IGDCC4: variants seen among roughly 807,000 people sequenced by gnomAD.
IGDCC4 encodes likely ortholog of mouse neighbor of Punc E11.
A neutral mutation model predicts 116.6 loss-of-function variants in IGDCC4; 72 were observed. The observed-to-expected ratio is 0.62, with a 90% CI of 0.51 to 0.75. The LOEUF (loss-of-function observed/expected upper bound fraction) is 0.75, where lower values mean the gene tolerates loss of function less well. Among genes scored for constraint, IGDCC4 ranks in the 30% least tolerant of loss-of-function variants. The pLI is 0.00. For synonymous variants in IGDCC4, 709 were observed against 719.9 expected, an observed-to-expected ratio of 0.98 and a Z score of 0.24; for missense variants, 1,501 against 1,662.4, an observed-to-expected ratio of 0.90 and a Z score of 1.69.
At chr15:65,398,024 A>G (rs1326866828) in intron 5 of IGDCC4, among the ~76,000 whole-genome samples, 1 of 152,264 alleles carries the variant, frequency 6.6e-6, no homozygotes, top group African/African-American at 2.4e-5. Flanking sequence ...AGAAATGCTT[A>G]TGGTATACTG....
intron 1 of IGDCC4, among the ~76,000 whole-genome samples, chr15:65,420,890 C>G (rs146215679): frequency 8.9e-4 from 136 of 152,300 alleles, no homozygotes; most frequent in African/African-American, 3.0e-3. Context: ...GGGGACTTGT[C>G]AGTTTCCCCC....
intron 4 of IGDCC4, among the ~76,000 whole-genome samples, chr15:65,402,112 C>T (rs1018380257): frequency 1.2e-4 from 18 of 152,206 alleles, no homozygotes; most frequent in African/African-American, 4.1e-4. Context: ...CACACAGGCT[C>T]TGCATGAAGA....
chr15:65,403,738 G>C (rs1365184534), intron 3 of IGDCC4, among the ~76,000 whole-genome samples: 1 of 152,164 alleles, frequency 6.6e-6, no homozygotes, highest in Non-Finnish European at 1.5e-5. Flanking sequence ...AGCAGACCCA[G>C]CCAACACGTA....
At chr15:65,394,342 C>A in intron 9 of IGDCC4, 69 bp downstream of exon 9, 1 of 1,601,824 alleles carries the variant, frequency 6.2e-7, no homozygotes, top group Non-Finnish European at 8.5e-7. Flanking sequence ...CTCAGGTCTC[C>A]AGCAGCCCTG....
Position 65,395,810 on chromosome 15 carries a change from G to A in IGDCC4, c.1351C>T (p.Arg451Trp). ...SSSAVLVAWERPEMHSEQIIG... is the reference protein window; with the variant it reads ...SSSAVLVAWEWPEMHSEQIIG... ...ATCTGCTCGCTGTGCATCTCGGGCC[G>A]CTCCCAGGCCACCAACACAGCGGAG... Residue 451 changes from arginine (R) to tryptophan (W), a missense_variant, in exon 7 of 20, where the codon CGG becomes TGG. Arg to Trp is a moderately radical substitution (Grantham distance 101). Transcript: ENST00000352385. 21 of 1,504,778 alleles carry A rather than the reference G, an allele frequency of 1.4e-5. No individual in the cohort carries two copies. Among genetic ancestry groups the A allele is most frequent in the Non-Finnish European group, 1.9e-5 (21 of 1,123,290 alleles). 93.2% of individuals were successfully genotyped at this position (1,504,778 alleles called of 1,614,324 possible). A position where few individuals can be genotyped will look rare whatever the true frequency, so the allele number is the denominator to read the frequency against.
intron 6 of IGDCC4, 53 bp from the exon 7 acceptor site, chr15:65,396,216 G>T: frequency 1.7e-6 from 2 of 1,188,156 alleles, no homozygotes; most frequent in South Asian, 1.7e-5. Flanking sequence ...TAAGGTCTCT[G>T]CCCCCCCCCC....
chr15:65,409,681 A>G (rs80341284), intron 3 of IGDCC4, among the ~76,000 whole-genome samples: 4,981 of 152,246 alleles, frequency 0.033, 114 homozygotes, highest in Middle Eastern at 0.061. Flanking sequence ...AAGAGGAAAG[A>G]CCTCTACAAT....
intron 1 of IGDCC4, among the ~76,000 whole-genome samples, chr15:65,421,564 G>A (rs959840423): frequency 1.3e-5 from 2 of 152,284 alleles, no homozygotes; most frequent in South Asian, 4.1e-4. Context: ...TGGTTTTCCT[G>A]GAGATGGGCC....
intron 1 of IGDCC4, among the ~76,000 whole-genome samples, chr15:65,419,315 C>T (rs555620870): frequency 2.5e-4 from 38 of 151,768 alleles, no homozygotes; most frequent in African/African-American, 8.5e-4. Flanking sequence ...GATCCTCCTG[C>T]CTCAGCCACA....
At chr15:65,420,164 G>A (rs1410586773) in intron 1 of IGDCC4, among the ~76,000 whole-genome samples, 1 of 152,062 alleles carries the variant, frequency 6.6e-6, no homozygotes, top group Non-Finnish European at 1.5e-5. Context: ...CCAGGCTGGT[G>A]TTGAACTCCT....
chr15:65,401,284 C>T (rs1012269664), intron 4 of IGDCC4, among the ~76,000 whole-genome samples: 1 of 152,186 alleles, frequency 6.6e-6, no homozygotes, highest in Non-Finnish European at 1.5e-5. Flanking sequence ...TTGGAGTCAA[C>T]AGTTATAGTT....
chr15:65,416,779 G>A lies in IGDCC4; in HGVS notation c.71-5409C>T, dbSNP rs960666416. The stretch of plus-strand genomic sequence containing the variant: ...GAGACCCTGTCAGAGACACAGAGCT[G>A]CTGCATTTGGGAACCCTAGGGCCAC... On this transcript the variant is annotated intron_variant, in intron 1 of 19. Transcript: ENST00000352385. Among the ~76,000 whole-genome samples the A allele has an allele frequency of 3.9e-5, 6 of 152,296 alleles. No homozygotes were observed. In the East Asian group the frequency reaches 1.2e-3, roughly 29 times the overall value.
Position 65,394,408 on chromosome 15 carries a change from C to T in IGDCC4, c.1714+3G>A. 1 of 1,613,994 alleles carries T rather than the reference C, an allele frequency of 6.2e-7. No individual in the cohort carries two copies. Among genetic ancestry groups the T allele is most frequent in the South Asian group, 1.1e-5 (1 of 91,080 alleles). On this transcript the variant is annotated splice_donor_region_variant and intron_variant, in intron 9 of 19. Transcript: ENST00000352385. The stretch of plus-strand genomic sequence containing the variant: ...TGCCTGCAGCCCACCCACCCCCACT[C>T]ACCTTCCTTTCCCAAACCGTATTCT...
At chr15:65,422,403 C>A (rs369271201) in intron 1 of IGDCC4, among the ~76,000 whole-genome samples, 35 of 152,084 alleles carry the variant, frequency 2.3e-4, no homozygotes, top group East Asian at 1.2e-3. Flanking sequence ...CAACCCAAGA[C>A]ACGCGCAGGC....
rs1452754701 is a variant in IGDCC4, at chr15:65,395,212, T to C, written c.1458A>G (p.Thr486=). Residue 486 remains threonine (T), a synonymous_variant, in exon 8 of 20, where the codon ACA becomes ACG. Coordinates refer to ENST00000352385, the MANE Select transcript of IGDCC4 (RefSeq NM_020962.3). ...EYQFAVNNDT[T]ELQVRDLEPN... ...GTTCCAGGTCCCGAACCTGTAGTTCTGTGGTGTCGTTGTTCACTGCAAACT... is the reference window on the plus strand; with the variant it reads ...GTTCCAGGTCCCGAACCTGTAGTTCCGTGGTGTCGTTGTTCACTGCAAACT... The C allele has an allele frequency of 6.2e-7, 1 of 1,613,766 alleles. No homozygotes were observed. Among genetic ancestry groups the C allele is most frequent in the Non-Finnish European group, 8.5e-7 (1 of 1,179,836 alleles).
rs574401297 is a variant in IGDCC4 at position 65,384,763 on chromosome 15, G to T, written c.3342+191C>A. On this transcript the variant is annotated intron_variant, in intron 19 of 19. Coordinates refer to ENST00000352385, the MANE Select transcript of IGDCC4 (RefSeq NM_020962.3). The surrounding 1 kb of genome is among the most constrained non-coding windows in gnomAD (Gnocchi z 4.9). ...AGAGGAGGGGCTGTTTTCAACCCAG[G>T]TTGAAACAGGTTCCTGCAAACTGGC... 1.7e-5 allele frequency: 12 copies of T among 713,582 alleles called. 1 individual carries two copies. The highest frequency in any genetic ancestry group is 2.4e-5 in the Non-Finnish European group (11 of 449,742). 44.2% of individuals were successfully genotyped at this position (713,582 alleles called of 1,614,324 possible). A position where few individuals can be genotyped will look rare whatever the true frequency, so the allele number is the denominator to read the frequency against.
intron 4 of IGDCC4, 88 bp downstream of exon 4, chr15:65,402,263 A>G (rs2140218976): frequency 5.6e-6 from 8 of 1,437,226 alleles, no homozygotes; most frequent in Non-Finnish European, 7.4e-6. Flanking sequence ...ACTTGAAGGC[A>G]AGGCCTGGAC....
At chr15:65,422,126 C>CCA (rs2063197783) in intron 1 of IGDCC4, among the ~76,000 whole-genome samples, 1 of 152,094 alleles carries the variant, frequency 6.6e-6, no homozygotes, top group South Asian at 2.1e-4. Context: ...CCACTGCTGG[C>CCA]CACAGGTTTT....
In IGDCC4 at chr15:65,395,743, G is replaced by A; in HGVS notation, c.1411+7C>T. The A allele has an allele frequency of 1.4e-6, 2 of 1,434,550 alleles. No homozygotes were observed. The highest frequency in any genetic ancestry group is 1.5e-5 in the African/African-American group (1 of 68,790). The allele number at this position is 1,434,550 out of a possible 1,614,324, so 88.9% of individuals were successfully genotyped here. On this transcript the variant is annotated splice_region_variant and intron_variant, in intron 7 of 19. Coordinates refer to ENST00000352385, the MANE Select transcript of IGDCC4 (RefSeq NM_020962.3). ...GCGCTGGTGCATCCCGCCCCAGGCC[G>A]ACGTACCCCGTGCCTTCTGGTAGTG...
Sources: gnomAD v4.1 joint callset for allele counts (sites outside exome capture counted in the v4.1 genomes callset) on GRCh38, gnomAD v4.1.1 for gene constraint, Gnocchi (gnomAD v3.1) non-coding constraint, MANE v1.5 for transcripts, NCBI Gene and HGNC (gene_info 2026-07-23, HGNC 2026-07-21) for gene names.